VWA3B: variants seen among roughly 807,000 people sequenced by gnomAD.
VWA3B encodes the protein von Willebrand factor A domain-containing protein 3B.
Under a neutral mutation model 158.3 loss-of-function variants are expected in VWA3B, and 138 were observed. That is an observed-to-expected ratio of 0.87 (90% CI 0.76 to 1.00). VWA3B has a LOEUF of 1.00. Ranked by LOEUF, VWA3B falls within the 50% of genes least tolerant of loss-of-function variation. The pLI is 0.00. For synonymous variants in VWA3B, 596 were observed against 587.3 expected, an observed-to-expected ratio of 1.01 and a Z score of -0.21; for missense variants, 1,555 against 1,565.1, an observed-to-expected ratio of 0.99 and a Z score of 0.11.
At chr2:98,237,286 G>T (rs1288168206) in intron 19 of VWA3B, among the ~76,000 whole-genome samples, 1 of 152,212 alleles carries the variant, frequency 6.6e-6, no homozygotes, top group African/African-American at 2.4e-5. Context: ...CTGCAGAAAT[G>T]ATTGAAAACT....
chr2:98,149,766 C>A (rs576321991), intron 7 of VWA3B, among the ~76,000 whole-genome samples: 3 of 152,274 alleles, frequency 2.0e-5, no homozygotes, highest in Admixed American at 2.0e-4. Context: ...AGGTTCCCTG[C>A]CTCCAGACCC....
chr2:98,280,358 G>T (rs1032417101), intron 22 of VWA3B, among the ~76,000 whole-genome samples: 1 of 152,072 alleles, frequency 6.6e-6, no homozygotes, highest in African/African-American at 2.4e-5. Flanking sequence ...GAAAGAGAGA[G>T]AGAGAAAAAA....
intron 6 of VWA3B, among the ~76,000 whole-genome samples, chr2:98,132,119 G>A (rs1675917685): frequency 6.6e-6 from 1 of 152,206 alleles, no homozygotes; most frequent in Non-Finnish European, 1.5e-5. Context: ...TAGAGCCCAG[G>A]GAATAATTTC....
At chr2:98,234,546 G>A in intron 16 of VWA3B, 102 bp from the exon 17 acceptor site, 3 of 1,526,516 alleles carry the variant, frequency 2.0e-6, no homozygotes, top group East Asian at 2.3e-5. Context: ...GGGAAACAAA[G>A]GTTGCATTCT....
intron 7 of VWA3B, 169 bp downstream of exon 7, chr2:98,134,108 G>A (rs981713528): frequency 1.6e-4 from 100 of 623,702 alleles, no homozygotes; most frequent in Non-Finnish European, 2.2e-4. Flanking sequence ...GTTTGTCAGC[G>A]TAGCAACCAG....
intron 22 of VWA3B, among the ~76,000 whole-genome samples, chr2:98,271,639 C>A (rs1391297457): frequency 6.6e-6 from 1 of 152,076 alleles, no homozygotes; most frequent in African/African-American, 2.4e-5. Context: ...TTATTTGATT[C>A]TTCACTAAAT....
intron 12 of VWA3B, among the ~76,000 whole-genome samples, chr2:98,202,884 C>T (rs762061192): frequency 3.3e-5 from 5 of 152,004 alleles, no homozygotes; most frequent in Admixed American, 2.6e-4. Flanking sequence ...CCAGGCTGGA[C>T]TGCAGTGGCA....
At chr2:98,177,023 G>T (rs1680069868) in intron 8 of VWA3B, among the ~76,000 whole-genome samples, 1 of 152,208 alleles carries the variant, frequency 6.6e-6, no homozygotes, top group African/African-American at 2.4e-5. Context: ...GCTGGGAGAA[G>T]AGAGTTATGG....
chr2:98,323,067 C>G, the VWA3B span, among the ~76,000 whole-genome samples: 2 of 152,050 alleles, frequency 1.3e-5, no homozygotes, highest in East Asian at 1.9e-4. Flanking sequence ...AATTTTGAAC[C>G]AAAATTTAGT....
intron 20 of VWA3B, among the ~76,000 whole-genome samples, chr2:98,250,993 G>A (rs1411074239): frequency 6.6e-6 from 1 of 152,076 alleles, no homozygotes; most frequent in Non-Finnish European, 1.5e-5. Flanking sequence ...CCAGCTACTT[G>A]GGAGGCTGAG....
At chr2:98,093,647 G>A (rs1459260743) in intron 2 of VWA3B, among the ~76,000 whole-genome samples, 4 of 152,090 alleles carry the variant, frequency 2.6e-5, no homozygotes, top group East Asian at 1.9e-4. Flanking sequence ...GTCATTTTTT[G>A]TGGTGAGAAC....
Position 98,313,296 on chromosome 2 carries a change from A to T in VWA3B, c.*947A>T, listed in dbSNP as rs1462033968. On this transcript the variant is annotated 3_prime_UTR_variant, in exon 28 of 28. Transcript: ENST00000477737. ...CTTCTAAAAATATGAAAAAAAAAAA[A>T]TAAGGGACATGCGCTCAGCATCAGG... The T allele has an allele frequency of 6.6e-6, 1 of 152,080 alleles. No homozygotes were observed. Among genetic ancestry groups the T allele is most frequent in the Non-Finnish European group, 1.5e-5 (1 of 68,014 alleles). The allele number at this position is 152,080 out of a possible 1,614,324, so 9.4% of individuals were successfully genotyped here. A position where few individuals can be genotyped will look rare whatever the true frequency, so the allele number is the denominator to read the frequency against.
chr2:98,199,734 C>G (rs530555560), intron 12 of VWA3B, among the ~76,000 whole-genome samples: 1 of 152,220 alleles, frequency 6.6e-6, no homozygotes, highest in South Asian at 2.1e-4. Flanking sequence ...AAGGCTGTTC[C>G]CTATATATAC....
chr2:98,208,173 ACTT>A (rs1180954625), intron 12 of VWA3B, among the ~76,000 whole-genome samples: 3 of 151,886 alleles, frequency 2.0e-5, no homozygotes, highest in East Asian at 3.9e-4. Context: ...ATATTAATAT[ACTT>A]ATTTTTGCTT....
intron 1 of VWA3B, among the ~76,000 whole-genome samples, chr2:98,092,131 TG>T (rs1400711790): frequency 6.6e-6 from 1 of 152,240 alleles, no homozygotes; most frequent in Non-Finnish European, 1.5e-5. Context: ...GTATTCCAGC[TG>T]GGCTGAGCTG....
Position 98,106,218 on chromosome 2 carries a change from G to C in VWA3B, c.197-9434G>C, listed in dbSNP as rs140843563. ...GTGTGAGCCACTGCGCCTGGCCCTA[G>C]GTTCTCTATTTGTTCTATTCATCTG... On this transcript the variant is annotated intron_variant, in intron 2 of 27. Transcript: ENST00000477737. Among the ~76,000 whole-genome samples, 358 of 152,118 alleles carry C rather than the reference G, an allele frequency of 2.4e-3. 1 individual carries two copies. The highest frequency in any genetic ancestry group is 8.1e-3 in the African/African-American group (337 of 41,520).
intron 3 of VWA3B, among the ~76,000 whole-genome samples, chr2:98,118,890 GTTTA>G (rs1399676182): frequency 6.6e-6 from 1 of 152,196 alleles, no homozygotes; most frequent in Non-Finnish European, 1.5e-5. Flanking sequence ...GTGAAGGATG[GTTTA>G]TTTGTACATA....
chr2:98,131,721 C>T (rs1675885441), intron 6 of VWA3B, among the ~76,000 whole-genome samples: 2 of 152,110 alleles, frequency 1.3e-5, no homozygotes, highest in African/African-American at 2.4e-5. Context: ...ATACAGAGGC[C>T]AGGCTTCACC....
At chr2:98,102,044 T>G (rs1683114042) in intron 2 of VWA3B, among the ~76,000 whole-genome samples, 1 of 152,192 alleles carries the variant, frequency 6.6e-6, no homozygotes, top group African/African-American at 2.4e-5. Flanking sequence ...TTGTGTCCCT[T>G]GGTACTTAAG....
Sources: gnomAD v4.1 joint callset for allele counts (sites outside exome capture counted in the v4.1 genomes callset) on GRCh38, gnomAD v4.1.1 for gene constraint, MANE v1.5 for transcripts, NCBI Gene and HGNC (gene_info 2026-07-23, HGNC 2026-07-21) for gene names.